The following NBEA variants were observed in gnomAD, a reference collection of about 807,000 sequenced individuals.
NBEA encodes the protein neurobeachin.
In NBEA, 44 loss-of-function variants were observed where a neutral mutation model predicts 343.4. The ratio of observed to expected loss-of-function variants is 0.13; its 90% CI spans 0.10 to 0.16. The LOEUF is 0.16. Among genes scored for constraint, NBEA ranks in the 10% least tolerant of loss-of-function variants. The pLI is 1.00. For missense variants in NBEA, 2,555 were observed against 3,631.3 expected, an observed-to-expected ratio of 0.70 and a Z score of 7.62; for synonymous variants, 1,175 against 1,238.7, an observed-to-expected ratio of 0.95 and a Z score of 1.08.
chr13:35,521,338 G>A (rs1037454558), intron 41 of NBEA, among the ~76,000 whole-genome samples: 5 of 152,058 alleles, frequency 3.3e-5, no homozygotes, highest in African/African-American at 4.8e-5. Context: ...TCACCCACAG[G>A]TTCTAATTCT....
chr13:35,263,936 A>C (rs745389016), intron 34 of NBEA, among the ~76,000 whole-genome samples: 1 of 151,998 alleles, frequency 6.6e-6, no homozygotes, highest in Non-Finnish European at 1.5e-5. Flanking sequence ...GAGCAGAAAT[A>C]GATGAAATAG....
chr13:35,390,736 TTTTTGGAAAA>T (rs1461411884), intron 38 of NBEA, among the ~76,000 whole-genome samples: 2 of 152,156 alleles, frequency 1.3e-5, no homozygotes, highest in African/African-American at 4.8e-5. Context: ...TCAAGAATAT[TTTTTGGAAAA>T]TTTTGTTTTT....
chr13:35,023,831 C>T (rs1000699290), intron 1 of NBEA, among the ~76,000 whole-genome samples: 6 of 152,034 alleles, frequency 3.9e-5, no homozygotes, highest in African/African-American at 1.4e-4. Context: ...TTTTCTTCCA[C>T]CTTTTATTTT....
At chr13:35,381,672 A>G (rs2042019111) in intron 38 of NBEA, among the ~76,000 whole-genome samples, 2 of 152,112 alleles carry the variant, frequency 1.3e-5, no homozygotes, top group African/African-American at 4.8e-5. Flanking sequence ...GCCCAGCTAA[A>G]GATTAGACCT....
intron 39 of NBEA, 76 bp from the exon 40 acceptor site, chr13:35,452,016 A>G (rs888460949): frequency 2.0e-6 from 2 of 1,000,232 alleles, no homozygotes; most frequent in Non-Finnish European, 1.5e-6. Context: ...TAATAAAGCA[A>G]TCAATTATTT....
chr13:35,124,388 G>A (rs192930510), intron 17 of NBEA, among the ~76,000 whole-genome samples: 72 of 150,496 alleles, frequency 4.8e-4, no homozygotes, highest in African/African-American at 1.5e-3. Flanking sequence ...TTAAAATTTC[G>A]GTACCAAAGA....
At chr13:35,376,543 T>C (rs939443262) in intron 38 of NBEA, among the ~76,000 whole-genome samples, 3 of 152,202 alleles carry the variant, frequency 2.0e-5, no homozygotes, top group Non-Finnish European at 2.9e-5. Flanking sequence ...GGTGTCATGA[T>C]GCCCCTTTAT....
At chr13:35,207,214 A>G (rs1192464169) in intron 31 of NBEA, among the ~76,000 whole-genome samples, 1 of 152,024 alleles carries the variant, frequency 6.6e-6, no homozygotes, top group Non-Finnish European at 1.5e-5. Context: ...ATATTAACAA[A>G]ACCACTTATT....
At chr13:35,597,900 G>A (rs2153046103) in intron 47 of NBEA, among the ~76,000 whole-genome samples, 1 of 152,292 alleles carries the variant, frequency 6.6e-6, no homozygotes, top group East Asian at 1.9e-4. Context: ...GAGTTGCAAA[G>A]TCACATTTCA....
intron 1 of NBEA, among the ~76,000 whole-genome samples, chr13:34,958,093 C>T (rs1398742134): frequency 6.6e-6 from 1 of 151,824 alleles, no homozygotes; most frequent in Non-Finnish European, 1.5e-5. Context: ...GATATATTGC[C>T]TTTAGGTTAT....
chr13:35,399,814 CT>C (rs757421275), intron 38 of NBEA, among the ~76,000 whole-genome samples: 6 of 152,192 alleles, frequency 3.9e-5, no homozygotes, highest in Non-Finnish European at 7.4e-5. Flanking sequence ...ACGTGAGCCT[CT>C]TCCTTTCTCC....
intron 49 of NBEA, among the ~76,000 whole-genome samples, chr13:35,630,246 G>A (rs1299501968): frequency 2.0e-5 from 3 of 152,116 alleles, no homozygotes; most frequent in African/African-American, 7.2e-5. Context: ...CATGGATACA[G>A]TGTTCATTAT....
At chr13:35,035,386 T>G (rs1321787524) in intron 1 of NBEA, among the ~76,000 whole-genome samples, 1 of 151,948 alleles carries the variant, frequency 6.6e-6, no homozygotes, top group East Asian at 1.9e-4. Flanking sequence ...CTTTATATTA[T>G]TTCATTTTTT....
intron 1 of NBEA, among the ~76,000 whole-genome samples, chr13:35,034,815 C>T (rs768142253): frequency 2.6e-5 from 4 of 151,956 alleles, no homozygotes; most frequent in Admixed American, 6.6e-5. Flanking sequence ...AAATAATTTG[C>T]GTGTGGTTGC....
At chr13:35,655,534 A>T in intron 54 of NBEA, 45 bp from the exon 55 acceptor site, 1 of 1,560,982 alleles carries the variant, frequency 6.4e-7, no homozygotes, top group Non-Finnish European at 8.7e-7. Context: ...TTACCATTTG[A>T]AGAAAAAGAC....
chr13:35,044,658 T>TA (rs1206824942), intron 2 of NBEA, among the ~76,000 whole-genome samples: 1 of 150,588 alleles, frequency 6.6e-6, no homozygotes, highest in Admixed American at 6.6e-5. Context: ...TGGGAATATG[T>TA]AAAATCTATT....
intron 45 of NBEA, among the ~76,000 whole-genome samples, chr13:35,576,884 C>T (rs1379809398): frequency 6.6e-6 from 1 of 152,092 alleles, no homozygotes; most frequent in Non-Finnish European, 1.5e-5. Context: ...TTTTGTTTGA[C>T]ATTTTAACAA....
At chr13:35,583,689 A>G (rs1452117036) in intron 45 of NBEA, among the ~76,000 whole-genome samples, 4 of 152,204 alleles carry the variant, frequency 2.6e-5, no homozygotes, top group African/African-American at 7.2e-5. Flanking sequence ...ACTTTGTACT[A>G]TGAATTATCC....
At chr13:34,962,243 G>C (rs188954479) in intron 1 of NBEA, among the ~76,000 whole-genome samples, 24 of 152,008 alleles carry the variant, frequency 1.6e-4, no homozygotes, top group African/African-American at 5.5e-4. Context: ...ATATATTCTA[G>C]CATGCCCTCT....
Sources: gnomAD v4.1 joint callset for allele counts (sites outside exome capture counted in the v4.1 genomes callset) on GRCh38, gnomAD v4.1.1 for gene constraint, MANE v1.5 for transcripts, NCBI Gene and HGNC (gene_info 2026-07-23, HGNC 2026-07-21) for gene names.